Variants in OSBP2 observed in about 807,000 individuals in gnomAD.
OSBP2 encodes the protein oxysterol binding protein 2.
In OSBP2, 66 loss-of-function variants were observed where a neutral mutation model predicts 96.0. The observed-to-expected ratio is 0.69, with a 90% confidence interval of 0.56 to 0.84. The LOEUF (loss-of-function observed/expected upper bound fraction) is 0.84. OSBP2 is among the 40% of genes least tolerant of loss of function. OSBP2 has a pLI of 0.00. For missense variants in OSBP2, 1,038 were observed against 1,222.7 expected (o/e 0.85, Z 2.25); for synonymous variants, 525 against 520.9 (o/e 1.01, Z -0.11).
At chr22:30,748,146 G>A (rs111354146) in intron 2 of OSBP2, among the ~76,000 whole-genome samples, 6,936 of 150,844 alleles carry the variant, frequency 0.046, 542 homozygotes, top group African/African-American at 0.16. Context: ...CAAAGTGCTG[G>A]GATTACAGCC....
In OSBP2 at chr22:30,893,822, A is replaced by G. The variant is rs759052359; in HGVS notation, c.2196A>G (p.Thr732=). 3.8e-6 allele frequency: 6 copies of G among 1,594,856 alleles called. No homozygotes were observed. In the Admixed American group the frequency reaches 1.1e-4, roughly 29 times the overall value. The part of the protein sequence containing the change: ...YFSKEAARKV[T]GVVSDSQGKA... The stretch of plus-strand genomic sequence containing the variant: ...GGTCCTGCCAATGTCCACAGGTGAC[A>G]GGAGTGGTGAGTGACAGCCAGGGCA... Residue 732 remains threonine, a synonymous_variant, in exon 12 of 14, where the codon ACA becomes ACG. Transcript: ENST00000332585.
intron 2 of OSBP2, among the ~76,000 whole-genome samples, chr22:30,811,243 A>G (rs764388594): frequency 2.0e-5 from 3 of 150,788 alleles, no homozygotes; most frequent in Middle Eastern, 3.2e-3. Flanking sequence ...TTCCTTATCA[A>G]TGTATTTTGG....
chr22:30,896,356 A>G (rs955835999), intron 12 of OSBP2, among the ~76,000 whole-genome samples: 12 of 152,152 alleles, frequency 7.9e-5, no homozygotes, highest in African/African-American at 2.9e-4. Flanking sequence ...AGGATCAAAG[A>G]AAAAGAGAAA....
chr22:30,732,196 C>T (rs558342325), intron 1 of OSBP2, among the ~76,000 whole-genome samples: 6 of 152,158 alleles, frequency 3.9e-5, no homozygotes, highest in African/African-American at 7.2e-5. Context: ...CCCAGCTACT[C>T]GGGAGGCTGA....
At chr22:30,889,397 G>A in intron 6 of OSBP2, 93 bp from the exon 7 acceptor site, 1 of 1,512,850 alleles carries the variant, frequency 6.6e-7, no homozygotes, top group Non-Finnish European at 9.1e-7. Context: ...GGCCGGCTTG[G>A]TGCCAGTCCT....
chr22:30,718,606 G>C (rs2089498472), intron 1 of OSBP2, among the ~76,000 whole-genome samples: 1 of 152,266 alleles, frequency 6.6e-6, no homozygotes, highest in Admixed American at 6.5e-5. Flanking sequence ...GGTAGGGAAA[G>C]AATGGGGGAT....
intron 1 of OSBP2, among the ~76,000 whole-genome samples, chr22:30,695,989 G>C (rs2089024869): frequency 6.6e-6 from 1 of 152,114 alleles, no homozygotes; most frequent in Admixed American, 6.6e-5. Flanking sequence ...TCTTAGGAAG[G>C]GCTGCTTATT....
Position 30,890,790 on chromosome 22 carries a change from C to T in OSBP2, c.1686C>T (p.His562=), listed in dbSNP as rs1166303013. The T allele has an allele frequency of 6.2e-7, 1 of 1,613,636 alleles. No individual in the cohort carries two copies. Among genetic ancestry groups the T allele is most frequent in the Non-Finnish European group, 8.5e-7 (1 of 1,180,012 alleles). Residue 562 remains histidine (H), a synonymous_variant, in exon 8 of 14, where the codon CAC becomes CAT. Transcript: ENST00000332585. This position sits in a 1 kb window ranked among gnomAD's most constrained non-coding sequence, Gnocchi z 4.4. ...TGACAGAGGACCTGGAGTACCACCA[C>T]CTGCTGGACAAGGCAGTGCACTGCA... The part of the protein sequence containing the change: ...QRLTEDLEYH[H]LLDKAVHCTS...
At chr22:30,847,694 T>C (rs1263078092) in intron 2 of OSBP2, among the ~76,000 whole-genome samples, 1 of 152,186 alleles carries the variant, frequency 6.6e-6, no homozygotes, top group Non-Finnish European at 1.5e-5. Context: ...CAGGTTTTTT[T>C]TATGAGTGAG....
At chr22:30,889,721 G>C in intron 7 of OSBP2, 85 bp downstream of exon 7, 2 of 1,260,908 alleles carry the variant, frequency 1.6e-6, no homozygotes, top group Non-Finnish European at 2.3e-6. Context: ...CCTGTGTGAA[G>C]TACACACAGC....
At chr22:30,829,119 C>A (rs1396683690) in intron 2 of OSBP2, among the ~76,000 whole-genome samples, 1 of 152,188 alleles carries the variant, frequency 6.6e-6, no homozygotes, top group African/African-American at 2.4e-5. Flanking sequence ...AGTCAAGGTT[C>A]TTTGCCACTG....
At chr22:30,743,446 G>A (rs796821769) in intron 2 of OSBP2, among the ~76,000 whole-genome samples, 4 of 152,212 alleles carry the variant, frequency 2.6e-5, no homozygotes, top group Admixed American at 6.5e-5. Context: ...TGAGCTTGAC[G>A]GCGGTCCCCC....
intron 1 of OSBP2, among the ~76,000 whole-genome samples, chr22:30,740,306 C>G (rs1013218069): frequency 6.6e-6 from 1 of 152,140 alleles, no homozygotes; most frequent in Non-Finnish European, 1.5e-5. Context: ...GCCAGTTTAT[C>G]GATGTGGGTG....
chr22:30,848,278 T>C (rs1468054140), intron 2 of OSBP2, among the ~76,000 whole-genome samples: 4 of 152,198 alleles, frequency 2.6e-5, no homozygotes, highest in African/African-American at 9.6e-5. Context: ...GTGCTGAATG[T>C]TTCCATCCCA....
chr22:30,893,542 C>G lies in OSBP2; in HGVS notation c.2070C>G (p.Ile690Met). Residue 690 changes from isoleucine to methionine, a missense_variant, in exon 10 of 14, where the codon ATC becomes ATG. Around this residue, in one of 3 missense-constraint regions of OSBP2, gnomAD observed 737 missense variants for 913.3 expected, o/e 0.81. Coordinates refer to ENST00000332585, the MANE Select transcript of OSBP2 (RefSeq NM_030758.4). The stretch of plus-strand genomic sequence containing the variant: ...GCACCTCAACTGTTCACAACATCAT[C>G]GTGGGCAAGCTCTGGATCGACCAGG... ...RKSTSTVHNIIVGKLWIDQSG... is the reference protein window; with the variant it reads ...RKSTSTVHNIMVGKLWIDQSG... 6.2e-7 allele frequency: 1 copy of G among 1,614,138 alleles called. No individual in the cohort carries two copies. The highest frequency in any genetic ancestry group is 8.5e-7 in the Non-Finnish European group (1 of 1,179,978).
At chr22:30,740,965 G>A (rs1177222181) in intron 1 of OSBP2, among the ~76,000 whole-genome samples, 196 bp from the exon 2 acceptor site, 2 of 152,140 alleles carry the variant, frequency 1.3e-5, no homozygotes, top group Non-Finnish European at 2.9e-5. Flanking sequence ...CCCACAGAGA[G>A]CAGTCGTGGC....
chr22:30,862,459 C>T (rs757154606), intron 2 of OSBP2, among the ~76,000 whole-genome samples: 2 of 152,154 alleles, frequency 1.3e-5, no homozygotes, highest in African/African-American at 2.4e-5. Context: ...GCAGGCAGAT[C>T]GCCTGAGGTC....
chr22:30,712,876 G>A (rs913647340), intron 1 of OSBP2, among the ~76,000 whole-genome samples: 1 of 152,004 alleles, frequency 6.6e-6, no homozygotes, highest in Non-Finnish European at 1.5e-5. Flanking sequence ...TGCCAGTAAA[G>A]GAAGGAGCCC....
chr22:30,902,713 G>A (rs537722160), intron 12 of OSBP2: 29 of 497,764 alleles, frequency 5.8e-5, no homozygotes, highest in Admixed American at 4.1e-4. Context: ...TGAAGTAGCC[G>A]ATCCCAACTC....
Sources: allele counts gnomAD v4.1 joint callset (sites outside exome capture counted in the v4.1 genomes callset), GRCh38; gene constraint gnomAD v4.1.1; regional missense constraint gnomAD v4.1.1; non-coding constraint Gnocchi (gnomAD v3.1); transcripts MANE v1.5; gene names NCBI Gene and HGNC (gene_info 2026-07-23, HGNC 2026-07-21).